Variants in PLCB1 observed in about 807,000 individuals in gnomAD.
PLCB1 encodes the protein 1-phosphatidylinositol 4,5-bisphosphate phosphodiesterase beta-1.
PLCB1 carries 46 observed loss-of-function variants against 161.8 expected under a neutral mutation model. The ratio of observed to expected loss-of-function variants is 0.28; its 90% CI spans 0.22 to 0.36. The LOEUF (loss-of-function observed/expected upper bound fraction) is 0.36, where lower values mean the gene tolerates loss of function less well. Among genes scored for constraint, PLCB1 ranks in the 10% least tolerant of loss-of-function variants. The pLI is 1.00. For synonymous variants in PLCB1, 517 were observed against 503.7 expected (o/e 1.03, Z -0.35); for missense variants, 1,016 against 1,472.5 (o/e 0.69, Z 5.07).
chr20:8,395,834 T>C (rs1987755936), intron 3 of PLCB1, among the ~76,000 whole-genome samples: 1 of 151,914 alleles, frequency 6.6e-6, no homozygotes, highest in Admixed American at 6.6e-5. Context: ...AAAAAACAAA[T>C]TGTTATTCTA....
At chr20:8,704,683 A>G (rs895775200) in intron 11 of PLCB1, among the ~76,000 whole-genome samples, 3 of 152,214 alleles carry the variant, frequency 2.0e-5, no homozygotes, top group Non-Finnish European at 4.4e-5. Context: ...AATTGTTTAC[A>G]TATTATCTGT....
intron 2 of PLCB1, among the ~76,000 whole-genome samples, chr20:8,258,463 G>T (rs555594562): frequency 1.3e-5 from 2 of 152,078 alleles, no homozygotes; most frequent in Admixed American, 1.3e-4. Context: ...CTCTGGAAGT[G>T]GTGAGCTTAG....
At chr20:8,182,278 A>T (rs1007676538) in intron 2 of PLCB1, among the ~76,000 whole-genome samples, 3 of 152,182 alleles carry the variant, frequency 2.0e-5, no homozygotes, top group Admixed American at 2.0e-4. Context: ...TTGACTTTGT[A>T]GATCCTCCCA....
chr20:8,637,270 AC>A (rs1988792462), intron 4 of PLCB1, among the ~76,000 whole-genome samples: 1 of 152,222 alleles, frequency 6.6e-6, no homozygotes, highest in Non-Finnish European at 1.5e-5. Context: ...GATTAAAAAT[AC>A]TTTTTGAAAA....
At chr20:8,728,022 A>G (rs1021165910) in intron 17 of PLCB1, among the ~76,000 whole-genome samples, 2 of 152,122 alleles carry the variant, frequency 1.3e-5, no homozygotes, top group Non-Finnish European at 2.9e-5. Context: ...TTCATGTAAT[A>G]AGTCCCAGAA....
At chr20:8,865,769 T>A (rs1338050339) in intron 31 of PLCB1, among the ~76,000 whole-genome samples, 1 of 152,184 alleles carries the variant, frequency 6.6e-6, no homozygotes, top group Non-Finnish European at 1.5e-5. Flanking sequence ...ATTTTTCAAA[T>A]GGCTATGCCT....
At chr20:8,563,935 G>T (rs1986236891) in intron 3 of PLCB1, among the ~76,000 whole-genome samples, 1 of 152,100 alleles carries the variant, frequency 6.6e-6, no homozygotes, top group Non-Finnish European at 1.5e-5. Flanking sequence ...GTAATTTTTA[G>T]ATTCAATGCT....
intron 31 of PLCB1, among the ~76,000 whole-genome samples, chr20:8,796,863 T>TA (rs1984051502): frequency 6.6e-6 from 1 of 152,244 alleles, no homozygotes; most frequent in Non-Finnish European, 1.5e-5. Context: ...TTCATTTAGA[T>TA]ATGTCTACAT....
chr20:8,270,019 T>C (rs982846861), intron 2 of PLCB1, among the ~76,000 whole-genome samples: 2 of 152,180 alleles, frequency 1.3e-5, no homozygotes, highest in Non-Finnish European at 2.9e-5. Flanking sequence ...GCATCAGTGG[T>C]AAAATTCACC....
chr20:8,477,638 C>T (rs1982336873), intron 3 of PLCB1, among the ~76,000 whole-genome samples: 1 of 152,184 alleles, frequency 6.6e-6, no homozygotes, highest in Admixed American at 6.5e-5. Context: ...CCTCAGGAAG[C>T]TTTCACTCAT....
intron 3 of PLCB1, among the ~76,000 whole-genome samples, chr20:8,374,298 T>C (rs780847269): frequency 5.9e-5 from 9 of 152,212 alleles, no homozygotes; most frequent in Non-Finnish European, 1.0e-4. Context: ...GTGAAGAAGA[T>C]GCCTGCCTCC....
At chr20:8,248,619 A>T (rs1980997461) in intron 2 of PLCB1, 1 of 151,904 alleles carries the variant, frequency 6.6e-6, no homozygotes, top group Non-Finnish European at 1.5e-5. Context: ...TCTGACGGGA[A>T]GGGCAGGTCT....
At position 8,153,480 on chromosome 20, in the gene PLCB1, T is replaced by C. The variant is rs187365150; in HGVS notation, c.177+3109T>C. ...GAGGTGGCCTACATTAGGCTATAAC[T>C]TTTCTTTGGATCCGTGCCATGTGAA... On this transcript the variant is annotated intron_variant, in intron 2 of 31. Transcript: ENST00000338037. Among the ~76,000 whole-genome samples the C allele has an allele frequency of 3.4e-3, 510 of 152,150 alleles. 2 individuals are homozygous for C. The highest frequency in any genetic ancestry group is 2.8e-3 in the Non-Finnish European group (192 of 67,970).
chr20:8,787,370 G>A (rs1191173800), intron 27 of PLCB1, among the ~76,000 whole-genome samples: 1 of 152,090 alleles, frequency 6.6e-6, no homozygotes, highest in Non-Finnish European at 1.5e-5. Flanking sequence ...GTTTTTCCGG[G>A]GACTCCCTTA....
At chr20:8,312,448 G>C (rs1304333017) in intron 2 of PLCB1, among the ~76,000 whole-genome samples, 1 of 152,074 alleles carries the variant, frequency 6.6e-6, no homozygotes. Context: ...ATCAAGGCTT[G>C]CATCTAAGAC....
chr20:8,388,410 C>T (rs955774259), intron 3 of PLCB1, among the ~76,000 whole-genome samples: 18 of 152,134 alleles, frequency 1.2e-4, no homozygotes, highest in Non-Finnish European at 2.6e-4. Context: ...TTTATTGTCT[C>T]CCATTGCTGA....
At position 8,766,152 on chromosome 20, in the gene PLCB1, T is replaced by A. The variant is rs941420093; in HGVS notation, c.2930+794T>A. On this transcript the variant is annotated intron_variant, in intron 26 of 31. Coordinates refer to ENST00000338037, the MANE Select transcript of PLCB1 (RefSeq NM_015192.4). ...ATTCACTTAATTAATATTTTTTGAG[T>A]GCCTACTGTGCCCTGGGGACACAGC... is the stretch of plus-strand genomic sequence containing the variant. Among the ~76,000 whole-genome samples, 9 of 152,266 alleles carry A rather than the reference T, an allele frequency of 5.9e-5. No homozygotes were observed. In the East Asian group the frequency reaches 1.5e-3, roughly 26 times the overall value.
At chr20:8,141,362 G>C (rs529457733) in intron 1 of PLCB1, among the ~76,000 whole-genome samples, 2 of 152,196 alleles carry the variant, frequency 1.3e-5, no homozygotes, top group South Asian at 4.2e-4. Flanking sequence ...AGTGGCTCAC[G>C]CCTGTAATCC....
intron 31 of PLCB1, among the ~76,000 whole-genome samples, chr20:8,819,958 ATG>A (rs1568611902): frequency 6.6e-6 from 1 of 150,482 alleles, no homozygotes; most frequent in Non-Finnish European, 1.5e-5. Context: ...GTTTATTTAT[ATG>A]TATTATAAAT....
Sources: gnomAD v4.1 joint callset for allele counts (sites outside exome capture counted in the v4.1 genomes callset) on GRCh38, gnomAD v4.1.1 for gene constraint, MANE v1.5 for transcripts, NCBI Gene and HGNC (gene_info 2026-07-23, HGNC 2026-07-21) for gene names.